Variants in AKAP6 observed in about 807,000 individuals in gnomAD.
The protein encoded by AKAP6 is A-kinase anchoring protein 6.
Under a neutral mutation model 188.5 loss-of-function variants are expected in AKAP6, and 58 were observed. The observed-to-expected ratio is 0.31, with a 90% confidence interval of 0.25 to 0.38. The LOEUF is 0.38. Among genes scored for constraint, AKAP6 ranks in the 10% least tolerant of loss-of-function variants. The pLI is 1.00. For synonymous variants in AKAP6, 989 were observed against 998.6 expected, an observed-to-expected ratio of 0.99 and a Z score of 0.18; for missense variants, 2,710 against 2,740.0, an observed-to-expected ratio of 0.99 and a Z score of 0.24.
chr14:32,753,824 G>A (rs2032231060), intron 11 of AKAP6, among the ~76,000 whole-genome samples: 2 of 151,942 alleles, frequency 1.3e-5, no homozygotes, highest in South Asian at 4.2e-4. Context: ...AAAATAAATT[G>A]ATCATGAATG....
chr14:32,411,658 C>G (rs1353058102), intron 1 of AKAP6, among the ~76,000 whole-genome samples: 1 of 152,072 alleles, frequency 6.6e-6, no homozygotes, highest in Non-Finnish European at 1.5e-5. Context: ...GGGGCTCTAC[C>G]TATAAATTTG....
chr14:32,602,844 T>C (rs1885984052), intron 7 of AKAP6, among the ~76,000 whole-genome samples: 3 of 152,172 alleles, frequency 2.0e-5, no homozygotes, highest in South Asian at 4.1e-4. Context: ...GGGAGCCCTT[T>C]GATCGCAGAG....
At chr14:32,526,199 G>A (rs1239675015) in intron 2 of AKAP6, among the ~76,000 whole-genome samples, 1 of 151,820 alleles carries the variant, frequency 6.6e-6, no homozygotes, top group Non-Finnish European at 1.5e-5. Context: ...CAAGTAGCTG[G>A]GACTACAGGT....
intron 12 of AKAP6, among the ~76,000 whole-genome samples, chr14:32,801,865 C>G (rs1225960444): frequency 1.3e-5 from 2 of 152,146 alleles, no homozygotes; most frequent in African/African-American, 4.8e-5. Flanking sequence ...GAGAAGTCCA[C>G]TGTAGTTCTT....
At chr14:32,510,486 A>G (rs1251944292) in intron 2 of AKAP6, among the ~76,000 whole-genome samples, 4 of 122,390 alleles carry the variant, frequency 3.3e-5, no homozygotes, top group African/African-American at 1.1e-4. Flanking sequence ...ACATATATAT[A>G]TGTGTATATA....
At chr14:32,814,644 C>G (rs1380148847) in intron 12 of AKAP6, among the ~76,000 whole-genome samples, 1 of 152,214 alleles carries the variant, frequency 6.6e-6, no homozygotes, top group Non-Finnish European at 1.5e-5. Flanking sequence ...CAGAACCTTT[C>G]TCCAGATCCC....
chr14:32,553,056 C>T (rs1424586113), intron 4 of AKAP6, among the ~76,000 whole-genome samples: 1 of 152,150 alleles, frequency 6.6e-6, no homozygotes, highest in African/African-American at 2.4e-5. Flanking sequence ...GTGATAGAAT[C>T]TCCAGTAGGT....
At chr14:32,642,491 G>C (rs1430784908) in intron 7 of AKAP6, among the ~76,000 whole-genome samples, 1 of 152,182 alleles carries the variant, frequency 6.6e-6, no homozygotes, top group Non-Finnish European at 1.5e-5. Context: ...ATACTTGGCA[G>C]CTGTATAGTT....
chr14:32,706,202 C>A (rs962761133), intron 9 of AKAP6, among the ~76,000 whole-genome samples: 1 of 152,138 alleles, frequency 6.6e-6, no homozygotes, highest in Admixed American at 6.6e-5. Context: ...TAGATTCTTG[C>A]AAGAACGTTA....
At chr14:32,339,121 T>G (rs1408598265) in intron 1 of AKAP6, among the ~76,000 whole-genome samples, 1 of 152,174 alleles carries the variant, frequency 6.6e-6, no homozygotes, top group Non-Finnish European at 1.5e-5. Flanking sequence ...ATAATATAAC[T>G]TGTATAAGGG....
intron 2 of AKAP6, among the ~76,000 whole-genome samples, chr14:32,485,891 T>C (rs996429289): frequency 2.6e-5 from 4 of 152,154 alleles, no homozygotes; most frequent in Non-Finnish European, 4.4e-5. Flanking sequence ...TCTTTGCCCA[T>C]GCCTATGTCC....
chr14:32,595,869 C>CT (rs773656353), intron 5 of AKAP6, among the ~76,000 whole-genome samples: 1 of 152,124 alleles, frequency 6.6e-6, no homozygotes, highest in Non-Finnish European at 1.5e-5. Flanking sequence ...ATCTCCTTTA[C>CT]ACAATAGAAT....
At chr14:32,576,587 G>A (rs949507310) in intron 4 of AKAP6, among the ~76,000 whole-genome samples, 1 of 152,082 alleles carries the variant, frequency 6.6e-6, no homozygotes, top group African/African-American at 2.4e-5. Context: ...CAGACATTTG[G>A]GCTGTGGACA....
intron 4 of AKAP6, among the ~76,000 whole-genome samples, chr14:32,555,873 T>C (rs1883664817): frequency 6.6e-6 from 1 of 152,160 alleles, no homozygotes; most frequent in Non-Finnish European, 1.5e-5. Context: ...CTTCCACCTT[T>C]GGCTATTGTG....
At chr14:32,757,593 G>T (rs927279363) in intron 11 of AKAP6, among the ~76,000 whole-genome samples, 5 of 152,202 alleles carry the variant, frequency 3.3e-5, no homozygotes, top group African/African-American at 1.2e-4. Context: ...ATGATTTGGG[G>T]AGTATAAGTA....
rs1458819622 is a variant in AKAP6, at chr14:32,830,835, T to G, written c.*1030T>G. 1 of 152,658 alleles carries G rather than the reference T, an allele frequency of 6.6e-6. No individual in the cohort carries two copies. The allele number at this position is 152,658 out of a possible 1,614,324, so 9.5% of individuals were successfully genotyped here. ...AAGGAAAATTAGTGATCTCTTCTAC[T>G]ATGTTCTTTACCAAATTGTTGCATC... On this transcript the variant is annotated 3_prime_UTR_variant, in exon 14 of 14. Transcript: ENST00000280979.
At position 32,824,742 on chromosome 14, in the gene AKAP6, A is replaced by T. The variant is rs769019870; in HGVS notation, c.6929A>T (p.His2310Leu). 3.1e-6 allele frequency: 5 copies of T among 1,612,134 alleles called. No individual in the cohort carries two copies. Among genetic ancestry groups the T allele is most frequent in the Non-Finnish European group, 4.2e-6 (5 of 1,179,400 alleles). ...LTCEENLLNL[H>L]EKRHRNMHR The stretch of plus-strand genomic sequence containing the variant: ...TGTGAAGAAAATCTTCTAAACCTTC[A>T]TGAAAAACGACATAGAAATATGCAT... The change falls in exon 13 of 14, where the codon CAT becomes CTT. Residue 2310 changes from histidine to leucine, a missense_variant. This residue lies in a region of AKAP6 where 2,473 missense variants were observed against 2,426.1 expected (regional missense o/e 1.02). Coordinates refer to ENST00000280979, the MANE Select transcript of AKAP6 (RefSeq NM_004274.5).
intron 5 of AKAP6, among the ~76,000 whole-genome samples, chr14:32,596,558 C>T (rs771924605): frequency 2.0e-5 from 3 of 152,126 alleles, no homozygotes; most frequent in Non-Finnish European, 4.4e-5. Flanking sequence ...CTAAAAAAGA[C>T]CTGGTGTCAT....
rs1890953265 is a variant in AKAP6, at chr14:32,709,512, T to G, written c.3000+13402T>G. Among the ~76,000 whole-genome samples, 4 of 152,036 alleles carry G rather than the reference T, an allele frequency of 2.6e-5. No homozygotes were observed. In the South Asian group the frequency reaches 8.3e-4, roughly 31 times the overall value. On this transcript the variant is annotated intron_variant, in intron 9 of 13. Transcript: ENST00000280979. The stretch of plus-strand genomic sequence containing the variant: ...TCCAAAGTTGATCTCTAAGAGATTT[T>G]GTACAGTTATTTAGTTCCATGGAAA...
Sources: gnomAD v4.1 joint callset for allele counts (sites outside exome capture counted in the v4.1 genomes callset) on GRCh38, gnomAD v4.1.1 for gene constraint, gnomAD v4.1.1 regional missense constraint, MANE v1.5 for transcripts, NCBI Gene and HGNC (gene_info 2026-07-23, HGNC 2026-07-21) for gene names.